Variants in MBOAT2 observed in about 807,000 individuals in gnomAD.
MBOAT2 encodes membrane bound glycerophospholipid O-acyltransferase 2.
A neutral mutation model predicts 63.4 loss-of-function variants in MBOAT2; 28 were observed. That is an observed-to-expected ratio of 0.44 (90% CI 0.33 to 0.61). The LOEUF (loss-of-function observed/expected upper bound fraction) is 0.61, where lower values mean the gene tolerates loss of function less well. Ranked by LOEUF, MBOAT2 falls within the 20% of genes least tolerant of loss-of-function variation. MBOAT2 has a pLI of 0.03. For missense variants in MBOAT2, 470 were observed against 605.8 expected (o/e 0.78, Z 2.35); for synonymous variants, 211 against 215.6 (o/e 0.98, Z 0.19).
intron 1 of MBOAT2, among the ~76,000 whole-genome samples, chr2:8,962,483 G>A (rs914527751): frequency 5.3e-5 from 8 of 152,046 alleles, no homozygotes; most frequent in Non-Finnish European, 8.8e-5. Context: ...GTTGCTTCTC[G>A]GCCAGAACAC....
At chr2:8,935,656 T>C (rs775964944) in intron 3 of MBOAT2, among the ~76,000 whole-genome samples, 1 of 152,250 alleles carries the variant, frequency 6.6e-6, no homozygotes, top group Admixed American at 6.5e-5. Context: ...TTTACCTATG[T>C]GCCCACAATA....
rs1454017753 is a variant in MBOAT2, at chr2:8,857,687, A to G, written c.*992T>C. The G allele has an allele frequency of 6.6e-6, 1 of 152,212 alleles. No homozygotes were observed. Among genetic ancestry groups the G allele is most frequent in the African/African-American group, 2.4e-5 (1 of 41,444 alleles). The allele number at this position is 152,212 out of a possible 1,614,324, so 9.4% of individuals were successfully genotyped here. A position where few individuals can be genotyped will look rare whatever the true frequency, so the allele number is the denominator to read the frequency against. On this transcript the variant is annotated 3_prime_UTR_variant, in exon 13 of 13. Transcript: ENST00000305997. ...ATTTCTCTTTCAAAACCTTTGAGCAACCTACCAGTATTATTTTCAAAGCCT... is the reference window on the plus strand; with the variant it reads ...ATTTCTCTTTCAAAACCTTTGAGCAGCCTACCAGTATTATTTTCAAAGCCT...
intron 5 of MBOAT2, among the ~76,000 whole-genome samples, chr2:8,887,317 G>A (rs914321363): frequency 6.6e-6 from 1 of 151,426 alleles, no homozygotes; most frequent in Non-Finnish European, 1.5e-5. Context: ...TAGCCAGAGG[G>A]GACAAGAGGA....
intron 1 of MBOAT2, among the ~76,000 whole-genome samples, chr2:8,974,636 G>T (rs567798921): frequency 6.6e-6 from 1 of 152,138 alleles, no homozygotes; most frequent in South Asian, 2.1e-4. Flanking sequence ...TGGAGGATGT[G>T]GTAAAAGTGA....
intron 4 of MBOAT2, among the ~76,000 whole-genome samples, chr2:8,893,738 CAG>C (rs1211396123): frequency 6.6e-6 from 1 of 152,184 alleles, no homozygotes; most frequent in East Asian, 1.9e-4. Context: ...AAGGTCTGCA[CAG>C]AGAGAGCTGA....
chr2:8,881,309 A>C (rs528027323), intron 6 of MBOAT2, among the ~76,000 whole-genome samples: 1 of 152,292 alleles, frequency 6.6e-6, no homozygotes, highest in Admixed American at 6.5e-5. Flanking sequence ...TGCTACCAAC[A>C]TGAGTATGGG....
At position 8,862,456 on chromosome 2, in the gene MBOAT2, C is replaced by G; in HGVS notation, c.1185+134G>C. On this transcript the variant is annotated intron_variant, in intron 11 of 12. Coordinates refer to ENST00000305997, the MANE Select transcript of MBOAT2 (RefSeq NM_138799.4). This position sits in a 1 kb window ranked among gnomAD's most constrained non-coding sequence, Gnocchi z 4.3. ...TCAGCAAACATGCACGCAGTACACA[C>G]CTCGCTTCTAGTGGAAAGGACAATA... The G allele has an allele frequency of 7.5e-7, 1 of 1,326,878 alleles. No homozygotes were observed. Among genetic ancestry groups the G allele is most frequent in the South Asian group, 1.4e-5 (1 of 71,404 alleles). 82.2% of individuals were successfully genotyped at this position (1,326,878 alleles called of 1,614,324 possible).
chr2:8,908,442 TTAGA>T (rs1665486551), intron 4 of MBOAT2, 175 bp downstream of exon 4: 3 of 515,688 alleles, frequency 5.8e-6, no homozygotes, highest in Non-Finnish European at 7.0e-6. Flanking sequence ...TCTTACTGAC[TTAGA>T]TAGTACTAAA....
intron 4 of MBOAT2, among the ~76,000 whole-genome samples, chr2:8,893,885 G>A (rs544855203): frequency 6.6e-6 from 1 of 152,244 alleles, no homozygotes; most frequent in African/African-American, 2.4e-5. Context: ...AGAAAGAACA[G>A]GTGAGAGGGC....
At chr2:8,912,451 T>A (rs1665864869) in intron 3 of MBOAT2, among the ~76,000 whole-genome samples, 1 of 151,870 alleles carries the variant, frequency 6.6e-6, no homozygotes, top group South Asian at 2.1e-4. Context: ...TAAGGACTCC[T>A]CCAGAAAGTT....
Position 8,876,964 on chromosome 2 carries a change from T to C in MBOAT2, c.690+66A>G, listed in dbSNP as rs548491554. 32 of 1,410,812 alleles carry C rather than the reference T, an allele frequency of 2.3e-5. No homozygotes were observed. In the East Asian group the frequency reaches 6.3e-4, roughly 28 times the overall value. The allele number at this position is 1,410,812 out of a possible 1,614,324, so 87.4% of individuals were successfully genotyped here. Reference sequence around the variant, plus strand: ...GGATAAGTTCACAATGTGAAAATATTTGTATCTTTAAATAAGACTAACCAA... The same window carrying C: ...GGATAAGTTCACAATGTGAAAATATCTGTATCTTTAAATAAGACTAACCAA... On this transcript the variant is annotated intron_variant, in intron 7 of 12. Transcript: ENST00000305997.
intron 3 of MBOAT2, among the ~76,000 whole-genome samples, chr2:8,917,142 G>A (rs1666241176): frequency 6.6e-6 from 1 of 152,122 alleles, no homozygotes; most frequent in South Asian, 2.1e-4. Context: ...ATGGATCATT[G>A]ATCTAGGCAT....
At chr2:8,869,915 C>T (rs1256718375) in intron 8 of MBOAT2, among the ~76,000 whole-genome samples, 2 of 152,172 alleles carry the variant, frequency 1.3e-5, no homozygotes, top group African/African-American at 4.8e-5. Flanking sequence ...TCCTAACCAA[C>T]TTCACAAGTG....
At chr2:8,950,074 G>A (rs1173294449) in intron 2 of MBOAT2, among the ~76,000 whole-genome samples, 1 of 151,724 alleles carries the variant, frequency 6.6e-6, no homozygotes, top group African/African-American at 2.4e-5. Flanking sequence ...TTTTTTCTGT[G>A]TGGCTATTGC....
intron 3 of MBOAT2, among the ~76,000 whole-genome samples, chr2:8,928,913 G>A (rs1291469078): frequency 6.6e-6 from 1 of 152,040 alleles, no homozygotes; most frequent in Admixed American, 6.5e-5. Flanking sequence ...AAGATCTCAG[G>A]GACTCTCAGA....
At chr2:8,981,700 G>A (rs1412169344) in intron 1 of MBOAT2, among the ~76,000 whole-genome samples, 4 of 152,150 alleles carry the variant, frequency 2.6e-5, no homozygotes, top group Non-Finnish European at 5.9e-5. Context: ...GAAGGACAGA[G>A]AGGAAGGGAG....
At chr2:8,863,265 G>T (rs910279284) in intron 10 of MBOAT2, among the ~76,000 whole-genome samples, 1 of 152,154 alleles carries the variant, frequency 6.6e-6, no homozygotes, top group African/African-American at 2.4e-5. Context: ...AGACTGCCAG[G>T]CACTGTGAAG....
chr2:8,995,430 A>T (rs971076992), intron 1 of MBOAT2, among the ~76,000 whole-genome samples: 3 of 152,192 alleles, frequency 2.0e-5, no homozygotes, highest in Non-Finnish European at 2.9e-5. Flanking sequence ...TCCAACTTTA[A>T]TATTGTCTTG....
chr2:8,912,329 A>AAGAAAGAAAGAAAGAAAGAAAGAAAG (rs2148593535), intron 3 of MBOAT2, among the ~76,000 whole-genome samples: 1 of 100,268 alleles, frequency 1.0e-5, no homozygotes, highest in South Asian at 3.2e-4. Flanking sequence ...GAAAGAAAGA[A>AAGAAAGAAAGAAAGAAAGAAAGAAAG]AGAAAGAAAG....
Sources: allele counts gnomAD v4.1 joint callset (sites outside exome capture counted in the v4.1 genomes callset), GRCh38; gene constraint gnomAD v4.1.1; non-coding constraint Gnocchi (gnomAD v3.1); transcripts MANE v1.5; gene names NCBI Gene and HGNC (gene_info 2026-07-23, HGNC 2026-07-21).